Variants in CSMD1 observed in about 807,000 individuals in gnomAD.
CSMD1 encodes CUB and sushi domain-containing protein 1.
A neutral mutation model predicts 417.5 loss-of-function variants in CSMD1; 213 were observed. That is an observed-to-expected ratio of 0.51 (90% CI 0.46 to 0.57). CSMD1 has a LOEUF of 0.57. Ranked by LOEUF, CSMD1 falls within the 20% of genes least tolerant of loss-of-function variation. CSMD1 has a pLI of 0.00. For synonymous variants in CSMD1, 2,862 were observed against 1,736.8 expected, an observed-to-expected ratio of 1.65 and a Z score of -16.11; for missense variants, 6,923 against 4,529.7, an observed-to-expected ratio of 1.53 and a Z score of -15.17.
Position 4,361,506 on chromosome 8 carries a change from G to A in CSMD1, c.415+58447C>T, listed in dbSNP as rs557928923. 2.0e-5 allele frequency among the ~76,000 whole-genome samples: 3 copies of A among 152,190 alleles called. No homozygotes were observed. The South Asian group carries it at 6.2e-4, about 32-fold the overall frequency. On this transcript the variant is annotated intron_variant, in intron 3 of 69. Coordinates refer to ENST00000635120, the MANE Select transcript of CSMD1 (RefSeq NM_033225.6). ...TTTCCACTTTACAGATTAGAAGACG[G>A]AGGCCTGCAAGATCAGGTAACGACC...
intron 2 of CSMD1, among the ~76,000 whole-genome samples, chr8:4,589,228 T>C (rs116281272): frequency 6.6e-6 from 1 of 152,304 alleles, no homozygotes; most frequent in African/African-American, 2.4e-5. Flanking sequence ...ACTACATTTT[T>C]CTATATTGGA....
intron 4 of CSMD1, among the ~76,000 whole-genome samples, chr8:4,016,476 A>G (rs1205706109): frequency 6.6e-6 from 1 of 152,090 alleles, no homozygotes; most frequent in African/African-American, 2.4e-5. Flanking sequence ...TCTGCCCAAG[A>G]ATGCAAGCTT....
chr8:3,102,860 A>G (rs1039740223), intron 46 of CSMD1, among the ~76,000 whole-genome samples: 14 of 152,224 alleles, frequency 9.2e-5, no homozygotes, highest in East Asian at 1.9e-4. Context: ...GCCTTGAAGC[A>G]TGACAAGATA....
At chr8:4,533,859 G>C (rs965605980) in intron 2 of CSMD1, among the ~76,000 whole-genome samples, 2 of 149,828 alleles carry the variant, frequency 1.3e-5, no homozygotes, top group African/African-American at 2.4e-5. Flanking sequence ...TGCCCTTTTG[G>C]AGTGTATGTA....
intron 10 of CSMD1, among the ~76,000 whole-genome samples, chr8:3,521,783 G>C (rs1242282740): frequency 2.0e-5 from 3 of 152,118 alleles, no homozygotes; most frequent in Non-Finnish European, 1.5e-5. Context: ...AAAATGCATT[G>C]AATGACAAAG....
chr8:4,043,038 A>C (rs905237905), intron 3 of CSMD1, among the ~76,000 whole-genome samples: 1 of 152,088 alleles, frequency 6.6e-6, no homozygotes, highest in South Asian at 2.1e-4. Context: ...AGGTTGAAGC[A>C]GGAGAATCAC....
chr8:4,265,097 C>G (rs950060478), intron 3 of CSMD1, among the ~76,000 whole-genome samples: 1 of 152,128 alleles, frequency 6.6e-6, no homozygotes, highest in African/African-American at 2.4e-5. Flanking sequence ...ATATTCAGAG[C>G]TCTTCAAATT....
intron 1 of CSMD1, among the ~76,000 whole-genome samples, chr8:4,809,685 G>A (rs894408332): frequency 6.6e-6 from 1 of 152,170 alleles, no homozygotes; most frequent in African/African-American, 2.4e-5. Context: ...GGCTAAAACT[G>A]AGTTTGATAT....
chr8:4,353,859 A>C (rs1801241750), intron 3 of CSMD1, among the ~76,000 whole-genome samples: 1 of 152,168 alleles, frequency 6.6e-6, no homozygotes, highest in African/African-American at 2.4e-5. Flanking sequence ...ATTATGGCTC[A>C]TCTGGTTTAC....
At chr8:4,562,133 G>A (rs985136199) in intron 2 of CSMD1, among the ~76,000 whole-genome samples, 2 of 152,130 alleles carry the variant, frequency 1.3e-5, no homozygotes, top group African/African-American at 2.4e-5. Context: ...AAAGCTGCAG[G>A]TATCGTTAAT....
chr8:4,289,403 G>A (rs1042066303), intron 3 of CSMD1, among the ~76,000 whole-genome samples: 1 of 17,504 alleles, frequency 5.7e-5, no homozygotes, highest in East Asian at 0.024. Flanking sequence ...AAAGTAGAGG[G>A]AGCCAGGGCC....
intron 1 of CSMD1, among the ~76,000 whole-genome samples, chr8:4,761,883 CT>C (rs1563319208): frequency 1.0e-3 from 79 of 76,186 alleles, no homozygotes; most frequent in African/African-American, 3.3e-3. Flanking sequence ...ATCTATCTAT[CT>C]ATCTACCTAC....
chr8:4,834,287 T>A (rs994599113), intron 1 of CSMD1, among the ~76,000 whole-genome samples: 4 of 152,220 alleles, frequency 2.6e-5, no homozygotes, highest in Admixed American at 6.5e-5. Context: ...AAATCATTTA[T>A]GTGCTACACG....
rs71534391 is a variant in CSMD1 at position 4,323,089 on chromosome 8, GA to G, written c.415+96863del. On this transcript the variant is annotated intron_variant, in intron 3 of 69. Transcript: ENST00000635120. ...TAGAGAGTTAAGCAGCGAAGGAATG[GA>G]AAAATCATATGATTTTAATGAGACA... 2.0e-5 allele frequency among the ~76,000 whole-genome samples: 3 copies of G among 152,174 alleles called. No homozygotes were observed. The East Asian group carries it at 5.8e-4, about 29-fold the overall frequency.
intron 6 of CSMD1, among the ~76,000 whole-genome samples, chr8:3,730,432 G>A (rs899207745): frequency 7.1e-6 from 1 of 141,406 alleles, no homozygotes. Flanking sequence ...CAAACCTCTA[G>A]GTTAGCAGAG....
intron 45 of CSMD1, among the ~76,000 whole-genome samples, 166 bp downstream of exon 45, chr8:3,107,552 T>G (rs1816229833): frequency 6.6e-6 from 1 of 152,084 alleles, no homozygotes; most frequent in Non-Finnish European, 1.5e-5. Context: ...ATACATGACC[T>G]CCGTATAAGT....
chr8:4,819,756 C>A (rs1017147435), intron 1 of CSMD1, among the ~76,000 whole-genome samples: 6 of 151,992 alleles, frequency 3.9e-5, no homozygotes, highest in Non-Finnish European at 8.8e-5. Context: ...TAGAGAGGGA[C>A]CTGGCTGCTT....
rs987666371 is a variant in CSMD1 at position 4,437,829 on chromosome 8, T to C, written c.303-17764A>G. 2.6e-5 allele frequency among the ~76,000 whole-genome samples: 4 copies of C among 152,184 alleles called. No homozygotes were observed. In the South Asian group the frequency reaches 8.3e-4, roughly 31 times the overall value. On this transcript the variant is annotated intron_variant, in intron 2 of 69. Transcript: ENST00000635120. ...CGTGTTTGGTTGATGGGCTTGTCTG[T>C]AAAACTGTGCAGGTCTGCCCCTAGT...
At chr8:4,989,438 A>G (rs1811351983) in intron 1 of CSMD1, among the ~76,000 whole-genome samples, 1 of 152,200 alleles carries the variant, frequency 6.6e-6, no homozygotes, top group African/African-American at 2.4e-5. Flanking sequence ...CAAAGACACA[A>G]ATACTGTAGA....
Sources: allele counts gnomAD v4.1 joint callset (sites outside exome capture counted in the v4.1 genomes callset), GRCh38; gene constraint gnomAD v4.1.1; transcripts MANE v1.5; gene names NCBI Gene and HGNC (gene_info 2026-07-23, HGNC 2026-07-21).